Variants in TP73 observed in about 807,000 individuals in gnomAD.
The protein encoded by TP73 is p53-like transcription factor.
Under a neutral mutation model 62.5 loss-of-function variants are expected in TP73, and 25 were observed. The observed-to-expected ratio is 0.40, with a 90% CI of 0.29 to 0.56. The LOEUF (loss-of-function observed/expected upper bound fraction) is 0.56, where lower values mean the gene tolerates loss of function less well. Ranked by LOEUF, TP73 falls within the 20% of genes least tolerant of loss-of-function variation. TP73 has a pLI of 0.46. For missense variants in TP73, 754 were observed against 913.3 expected (o/e 0.83, Z 2.25); for synonymous variants, 423 against 377.5 (o/e 1.12, Z -1.40).
intron 6 of TP73, among the ~76,000 whole-genome samples, chr1:3,724,917 G>A (rs1641379449): frequency 6.6e-6 from 1 of 152,216 alleles, no homozygotes; most frequent in Admixed American, 6.5e-5. Context: ...TACTTGGGAG[G>A]CTGAGGCAAG....
In TP73 at chr1:3,663,500, G is replaced by T. The variant is rs2004875; in HGVS notation, c.-34+10859G>T. Reference sequence around the variant, plus strand: ...GGAGGCTGAGTCGGGCGGATCACTAGGTCAGGAGATCGAGACTATACTGGC... The same window carrying T: ...GGAGGCTGAGTCGGGCGGATCACTATGTCAGGAGATCGAGACTATACTGGC... On this transcript the variant is annotated intron_variant, in intron 1 of 13. Coordinates refer to ENST00000378295, the MANE Select transcript of TP73 (RefSeq NM_005427.4). This position sits in a 1 kb window ranked among gnomAD's most constrained non-coding sequence, Gnocchi z 4.7. Among the ~76,000 whole-genome samples the T allele has an allele frequency of 8.9e-3, 1,350 of 152,256 alleles. 30 individuals carry two copies. The highest frequency in any genetic ancestry group is 0.031 in the African/African-American group (1,275 of 41,552).
chr1:3,721,987 A>G, intron 4 of TP73, 34 bp from the exon 5 acceptor site: 1 of 1,567,048 alleles, frequency 6.4e-7, no homozygotes, highest in Non-Finnish European at 8.7e-7. Flanking sequence ...AGTTGGGACC[A>G]CTGGTCTCAC....
At chr1:3,723,619 T>A (rs1380543106) in intron 6 of TP73, 150 bp downstream of exon 6, 1 of 660,722 alleles carries the variant, frequency 1.5e-6, no homozygotes, top group African/African-American at 1.8e-5. Flanking sequence ...TGCTCTGTGA[T>A]AAGTCTGTGT....
intron 5 of TP73, 106 bp from the exon 6 acceptor site, chr1:3,723,248 G>C: frequency 1.2e-6 from 1 of 861,794 alleles, no homozygotes; most frequent in Non-Finnish European, 1.9e-6. Context: ...CCTGACATGG[G>C]GCTGGGCACC....
At position 3,683,437 on chromosome 1, in the gene TP73, G is replaced by A. The variant is rs557244126; in HGVS notation, c.186+257G>A. ...GCTTCAGGCATGGCTAGATCCAGGTGTAGGAAGGGCTTCAGGCACAGCTAG... is the reference window on the plus strand; with the variant it reads ...GCTTCAGGCATGGCTAGATCCAGGTATAGGAAGGGCTTCAGGCACAGCTAG... On this transcript the variant is annotated intron_variant, in intron 3 of 13. Coordinates refer to ENST00000378295, the MANE Select transcript of TP73 (RefSeq NM_005427.4). Among the ~76,000 whole-genome samples the A allele has an allele frequency of 3.3e-5, 5 of 152,296 alleles. No homozygotes were observed. The South Asian group carries it at 1.0e-3, about 32-fold the overall frequency.
intron 1 of TP73, among the ~76,000 whole-genome samples, chr1:3,667,256 G>T (rs1276762336): frequency 1.3e-5 from 2 of 152,192 alleles, no homozygotes. Flanking sequence ...TTCTCCCGGG[G>T]TCTCCAGAAG....
chr1:3,727,544 C>T, intron 7 of TP73, 84 bp from the exon 8 acceptor site: 5 of 1,532,484 alleles, frequency 3.3e-6, no homozygotes, highest in Non-Finnish European at 4.4e-6. Context: ...GCCGGTCCTG[C>T]AGGGTCCGAG....
intron 13 of TP73, 69 bp from the exon 14 acceptor site, chr1:3,732,678 G>A: frequency 1.4e-6 from 2 of 1,429,816 alleles, no homozygotes; most frequent in Non-Finnish European, 1.9e-6. Flanking sequence ...AGACCTCCAG[G>A]CCCAGGGCGA....
Position 3,707,659 on chromosome 1 carries a change from C to A in TP73, c.297C>A (p.Tyr99Ter). The A allele has an allele frequency of 6.2e-7, 1 of 1,613,182 alleles. No homozygotes were observed. The highest frequency in any genetic ancestry group is 8.5e-7 in the Non-Finnish European group (1 of 1,179,944). ...HAASVPTHSP[Y>*]AQPSSTFDTM... ...CCAGCGTGCCCACCCACTCGCCCTA[C>A]GCACAACCCAGCTCCACCTTCGACA... Residue 99 changes from tyrosine to a stop codon, truncating the protein, a stop_gained, in exon 4 of 14, where the codon TAC (tyrosine) becomes TAA (stop). Transcript: ENST00000378295. LOFTEE classifies it high-confidence loss of function.
intron 1 of TP73, among the ~76,000 whole-genome samples, chr1:3,658,241 C>T (rs117634357): frequency 0.03 from 4,581 of 152,252 alleles, 137 homozygotes; most frequent in East Asian, 0.099. Context: ...GAGATTAAAT[C>T]GGGTTCCCCA....
intron 3 of TP73, among the ~76,000 whole-genome samples, chr1:3,693,589 G>T (rs1001422812): frequency 1.3e-5 from 2 of 152,132 alleles, no homozygotes; most frequent in African/African-American, 4.8e-5. Context: ...CACCGTAGCT[G>T]CTCGGCTGCG....
chr1:3,665,517 A>T lies in TP73; in HGVS notation c.-34+12876A>T, dbSNP rs572170712. ...TAACAGAAAGAGTCTACTCTTGACG[A>T]TGAAGTATACGGTTAGTAATTTATG... is the stretch of plus-strand genomic sequence containing the variant. On this transcript the variant is annotated intron_variant, in intron 1 of 13. Coordinates refer to ENST00000378295, the MANE Select transcript of TP73 (RefSeq NM_005427.4). Among the ~76,000 whole-genome samples the T allele has an allele frequency of 3.3e-4, 51 of 152,320 alleles. No homozygotes were observed. In the Middle Eastern group the frequency reaches 0.014, roughly 41 times the overall value.
At chr1:3,687,775 G>C (rs571031760) in intron 3 of TP73, among the ~76,000 whole-genome samples, 1 of 152,096 alleles carries the variant, frequency 6.6e-6, no homozygotes. Flanking sequence ...GCCTCTCCTG[G>C]CGCCTTTCTC....
chr1:3,656,108 G>A (rs1159637479), intron 1 of TP73, among the ~76,000 whole-genome samples: 1 of 151,880 alleles, frequency 6.6e-6, no homozygotes. Flanking sequence ...CCCGGAAGGC[G>A]GAGCTTGCAG....
intron 3 of TP73, among the ~76,000 whole-genome samples, chr1:3,702,290 G>T (rs1037299505): frequency 2.0e-5 from 3 of 152,180 alleles, no homozygotes; most frequent in Admixed American, 6.5e-5. Context: ...CCTGGAGGGG[G>T]CCCAGCTACT....
chr1:3,708,976 C>G (rs1275235451), intron 4 of TP73, among the ~76,000 whole-genome samples: 1 of 152,226 alleles, frequency 6.6e-6, no homozygotes, highest in African/African-American at 2.4e-5. Context: ...CAAGGGGCCC[C>G]TCAGGTTTTT....
Position 3,736,178 on chromosome 1 carries a change from A to T in TP73, c.*3099A>T, listed in dbSNP as rs368541886. ...CAGTGGGGATTTTTGTTTTTGTAAC[A>T]TAATAAAGTGTATGTTCCAATGACC... On this transcript the variant is annotated 3_prime_UTR_variant, in exon 14 of 14. Transcript: ENST00000378295. 2.0e-5 allele frequency: 3 copies of T among 152,230 alleles called. No homozygotes were observed. Among genetic ancestry groups the T allele is most frequent in the African/African-American group, 7.2e-5 (3 of 41,454 alleles). 9.4% of individuals were successfully genotyped at this position (152,230 alleles called of 1,614,324 possible).
At chr1:3,723,885 TGAAGGG>T (rs1413732023) in intron 6 of TP73, among the ~76,000 whole-genome samples, 1 of 152,054 alleles carries the variant, frequency 6.6e-6, no homozygotes, top group Admixed American at 6.5e-5. Context: ...CAACAGCGCC[TGAAGGG>T]GTGGCAAATT....
chr1:3,729,195 GC>G, intron 9 of TP73, 131 bp from the exon 10 acceptor site: 4 of 1,259,506 alleles, frequency 3.2e-6, no homozygotes, highest in Non-Finnish European at 4.4e-6. Context: ...GGGATCCTGA[GC>G]CTCTGGGGTG....
Sources: gnomAD v4.1 joint callset for allele counts (sites outside exome capture counted in the v4.1 genomes callset) on GRCh38, gnomAD v4.1.1 for gene constraint, Gnocchi (gnomAD v3.1) non-coding constraint, MANE v1.5 for transcripts, NCBI Gene and HGNC (gene_info 2026-07-23, HGNC 2026-07-21) for gene names.